The following RBFOX1 variants were observed in gnomAD, a reference collection of about 807,000 sequenced individuals.
The protein encoded by RBFOX1 is RNA binding fox-1 homolog 1, also known as RNA binding protein fox-1 homolog 1.
Under a neutral mutation model 57.7 loss-of-function variants are expected in RBFOX1, and 8 were observed. The ratio of observed to expected loss-of-function variants is 0.14; its 90% confidence interval spans 0.08 to 0.25. The LOEUF (loss-of-function observed/expected upper bound fraction) is 0.25. RBFOX1 is among the 10% of genes least tolerant of loss of function. The probability of loss-of-function intolerance (pLI) is 1.00; values close to 1 mark genes in which losing one functional copy is unlikely to be tolerated. For synonymous variants in RBFOX1, 326 were observed against 222.4 expected, an observed-to-expected ratio of 1.47 and a Z score of -4.15; for missense variants, 611 against 548.5, an observed-to-expected ratio of 1.11 and a Z score of -1.14.
At chr16:6,839,079 G>A (rs1026829222) in intron 3 of RBFOX1, among the ~76,000 whole-genome samples, 2 of 151,828 alleles carry the variant, frequency 1.3e-5, no homozygotes, top group South Asian at 2.1e-4. Flanking sequence ...CTGCCTCCTG[G>A]GTTCAAGTGA....
intron 3 of RBFOX1, among the ~76,000 whole-genome samples, chr16:6,902,914 T>C (rs1037235676): frequency 1.3e-5 from 2 of 152,328 alleles, no homozygotes; most frequent in East Asian, 1.9e-4. Flanking sequence ...GTATTGAAGA[T>C]GTAGATTCTA....
At chr16:7,436,007 C>T (rs1268310838) in intron 4 of RBFOX1, among the ~76,000 whole-genome samples, 1 of 152,096 alleles carries the variant, frequency 6.6e-6, no homozygotes, top group Non-Finnish European at 1.5e-5. Flanking sequence ...CTGTGATCTT[C>T]AGTTAATTTT....
At chr16:6,943,083 G>T (rs1446082444) in intron 3 of RBFOX1, among the ~76,000 whole-genome samples, 1 of 152,170 alleles carries the variant, frequency 6.6e-6, no homozygotes, top group Admixed American at 6.5e-5. Flanking sequence ...TTGGGATTCA[G>T]AGCAGGTCCC....
At chr16:6,253,481 C>T (rs895678141) in intron 1 of RBFOX1, among the ~76,000 whole-genome samples, 1 of 152,240 alleles carries the variant, frequency 6.6e-6, no homozygotes, top group East Asian at 1.9e-4. Context: ...AAGTCACATA[C>T]GTAGAGGTCC....
chr16:7,388,261 A>G (rs185234776), intron 4 of RBFOX1, among the ~76,000 whole-genome samples: 1 of 152,290 alleles, frequency 6.6e-6, no homozygotes, highest in East Asian at 1.9e-4. Flanking sequence ...GGTATCCATG[A>G]TGTGTTCGGG....
intron 2 of RBFOX1, among the ~76,000 whole-genome samples, chr16:5,581,341 A>G (rs1023046697): frequency 3.3e-5 from 5 of 152,224 alleles, no homozygotes; most frequent in African/African-American, 1.2e-4. Context: ...CTTAGGAGGA[A>G]TAAGCCATTT....
intron 1 of RBFOX1, among the ~76,000 whole-genome samples, chr16:5,364,371 C>G (rs1048353237): frequency 1.3e-5 from 2 of 152,168 alleles, no homozygotes; most frequent in Non-Finnish European, 2.9e-5. Context: ...GCAGCTGTCA[C>G]TCATTTTCTA....
At chr16:6,062,301 C>G (rs1442510931) in intron 1 of RBFOX1, among the ~76,000 whole-genome samples, 1 of 152,000 alleles carries the variant, frequency 6.6e-6, no homozygotes, top group African/African-American at 2.4e-5. Flanking sequence ...GCCCCCCTGC[C>G]CTCTCAAGAG....
chr16:5,258,200 T>G (rs1258154764), intron 1 of RBFOX1, among the ~76,000 whole-genome samples: 1 of 152,128 alleles, frequency 6.6e-6, no homozygotes, highest in African/African-American at 2.4e-5. Context: ...TTATTATTAT[T>G]ATTATGAAAA....
chr16:5,871,152 G>A (rs544964546), intron 4 of RBFOX1, among the ~76,000 whole-genome samples: 18 of 152,240 alleles, frequency 1.2e-4, no homozygotes, highest in African/African-American at 4.3e-4. Context: ...TTAATAAGAT[G>A]GCACATGAGC....
chr16:5,778,482 G>T (rs938784190), intron 3 of RBFOX1, among the ~76,000 whole-genome samples: 1 of 152,130 alleles, frequency 6.6e-6, no homozygotes, highest in Non-Finnish European at 1.5e-5. Flanking sequence ...ACTTCCTCCT[G>T]TGGGAACCAG....
chr16:6,993,943 G>T (rs1241895269), intron 3 of RBFOX1, among the ~76,000 whole-genome samples: 1 of 152,134 alleles, frequency 6.6e-6, no homozygotes, highest in Admixed American at 6.6e-5. Context: ...TAAATGATTT[G>T]GTGCAAGGCA....
chr16:5,854,957 G>T (rs1007526457), intron 3 of RBFOX1, among the ~76,000 whole-genome samples: 1 of 152,096 alleles, frequency 6.6e-6, no homozygotes, highest in Non-Finnish European at 1.5e-5. Context: ...GTTTTGATTT[G>T]CATTGCCCCA....
At chr16:7,475,711 C>G (rs1220421993) in intron 4 of RBFOX1, among the ~76,000 whole-genome samples, 2 of 152,140 alleles carry the variant, frequency 1.3e-5, no homozygotes, top group Non-Finnish European at 2.9e-5. Context: ...CATGAATGGC[C>G]TCGGACAAGT....
Position 5,442,655 on chromosome 16 carries a change from G to GT in RBFOX1, c.220-24560dup, listed in dbSNP as rs2068119235. Among the ~76,000 whole-genome samples the GT allele has an allele frequency of 2.6e-5, 4 of 152,142 alleles. No individual in the cohort carries two copies. The South Asian group carries it at 8.3e-4, about 31-fold the overall frequency. ...TTGGGAAGTGTAAATTAGAGTGGTT[G>GT]TATCTATTTCTAGATCCCTTTACTG... On this transcript the variant is annotated intron_variant, in intron 1 of 2. Coordinates refer to the RBFOX1 transcript ENST00000585867.
chr16:5,539,061 C>G (rs572137676), intron 2 of RBFOX1, among the ~76,000 whole-genome samples: 95 of 152,292 alleles, frequency 6.2e-4, no homozygotes, highest in Middle Eastern at 3.4e-3. Flanking sequence ...TTTTGAAATG[C>G]TTCTGAGGAC....
intron 4 of RBFOX1, among the ~76,000 whole-genome samples, chr16:7,155,712 A>AAAAATAT (rs1195367029): frequency 1.4e-4 from 11 of 77,408 alleles, no homozygotes; most frequent in African/African-American, 7.3e-4. Flanking sequence ...AAAAAAAAAA[A>AAAAATAT]ATATATATAT....
intron 4 of RBFOX1, among the ~76,000 whole-genome samples, chr16:7,265,737 C>G (rs1311565936): frequency 6.6e-6 from 1 of 152,136 alleles, no homozygotes; most frequent in Non-Finnish European, 1.5e-5. Context: ...GCGTGAGCCA[C>G]CATGCCTGGC....
At chr16:7,282,536 T>A (rs2095566208) in intron 4 of RBFOX1, among the ~76,000 whole-genome samples, 1 of 152,080 alleles carries the variant, frequency 6.6e-6, no homozygotes, top group African/African-American at 2.4e-5. Flanking sequence ...AGCCTTCTGC[T>A]CTCTGTTCTC....
Sources: allele counts gnomAD v4.1 joint callset (sites outside exome capture counted in the v4.1 genomes callset), GRCh38; gene constraint gnomAD v4.1.1; transcripts MANE v1.5; gene names NCBI Gene and HGNC (gene_info 2026-07-23, HGNC 2026-07-21).